The following ANTXR2 variants were observed in gnomAD, a reference collection of about 807,000 sequenced individuals.
ANTXR2 encodes ANTXR cell adhesion molecule 2.
Under a neutral mutation model 73.7 loss-of-function variants are expected in ANTXR2, and 44 were observed. The ratio of observed to expected loss-of-function variants is 0.60; its 90% CI spans 0.47 to 0.77. ANTXR2 has a LOEUF of 0.77. ANTXR2 is among the 30% of genes least tolerant of loss of function. The probability of loss-of-function intolerance (pLI) is 0.00; values close to 1 mark genes in which losing one functional copy is unlikely to be tolerated. For synonymous variants in ANTXR2, 217 were observed against 205.9 expected, an observed-to-expected ratio of 1.05 and a Z score of -0.46; for missense variants, 604 against 592.5, an observed-to-expected ratio of 1.02 and a Z score of -0.20.
intron 16 of ANTXR2, among the ~76,000 whole-genome samples, chr4:79,919,611 C>A (rs1284603110): frequency 6.6e-6 from 1 of 151,780 alleles, no homozygotes; most frequent in Non-Finnish European, 1.5e-5. Context: ...TACTTCCTGC[C>A]CTCGAACATC....
chr4:79,985,593 T>A (rs942505433), intron 12 of ANTXR2, among the ~76,000 whole-genome samples: 4 of 151,976 alleles, frequency 2.6e-5, no homozygotes, highest in Non-Finnish European at 5.9e-5. Context: ...ATTTCAGCCA[T>A]TCGAGAGGAG....
chr4:79,932,861 G>C (rs1191458819), intron 16 of ANTXR2, among the ~76,000 whole-genome samples: 2 of 150,572 alleles, frequency 1.3e-5, no homozygotes, highest in African/African-American at 4.9e-5. Flanking sequence ...ATTAGTGAAG[G>C]AGGCATTGCA....
Position 80,036,034 on chromosome 4 carries a change from TA to T in ANTXR2, c.637-3del. On this transcript the variant is annotated splice_region_variant and splice_polypyrimidine_tract_variant and intron_variant, in intron 7 of 16. Coordinates refer to ENST00000403729, the MANE Select transcript of ANTXR2 (RefSeq NM_058172.6). ...TTCAGTACATGACTGAGCTAGTATC[TA>T]AAAAAGAAAAAAAAAAAAGATTACC... is the stretch of plus-strand genomic sequence containing the variant. 6.7e-7 allele frequency: 1 copy of T among 1,483,568 alleles called. No homozygotes were observed. The highest frequency in any genetic ancestry group is 1.4e-5 in the South Asian group (1 of 72,792). The allele number at this position is 1,483,568 out of a possible 1,614,324, so 91.9% of individuals were successfully genotyped here.
At position 79,983,983 on chromosome 4, in the gene ANTXR2, G is replaced by T; in HGVS notation, c.1087-13C>A. 3 of 1,529,366 alleles carry T rather than the reference G, an allele frequency of 2.0e-6. No homozygotes were observed. The highest frequency in any genetic ancestry group is 2.7e-6 in the Non-Finnish European group (3 of 1,128,954). The allele number at this position is 1,529,366 out of a possible 1,614,324, so 94.7% of individuals were successfully genotyped here. On this transcript the variant is annotated splice_polypyrimidine_tract_variant and intron_variant, in intron 13 of 16. Transcript: ENST00000403729. ...GTTCTTCTTCCTCCTGTGGAAATAT[G>T]TTTTATAAATAGTTTTTAATTAATT...
intron 16 of ANTXR2, among the ~76,000 whole-genome samples, chr4:79,953,982 T>C (rs1446778238): frequency 1.3e-5 from 2 of 152,206 alleles, no homozygotes; most frequent in Non-Finnish European, 2.9e-5. Context: ...GCCTATAACA[T>C]ATTAATATAA....
chr4:80,068,618 A>G (rs1324776128), intron 3 of ANTXR2, among the ~76,000 whole-genome samples: 4 of 152,066 alleles, frequency 2.6e-5, no homozygotes, highest in Non-Finnish European at 5.9e-5. Flanking sequence ...AAAAAAATAC[A>G]AAAATTGGCC....
At chr4:79,966,127 G>GACACACAC (rs10549471) in intron 16 of ANTXR2, among the ~76,000 whole-genome samples, 13,100 of 149,410 alleles carry the variant, frequency 0.088, 638 homozygotes, top group African/African-American at 0.12. Context: ...CTAGGACTTA[G>GACACACAC]ACACACACAC....
intron 3 of ANTXR2, among the ~76,000 whole-genome samples, chr4:80,065,722 C>T (rs973770143): frequency 1.3e-5 from 2 of 152,160 alleles, no homozygotes; most frequent in African/African-American, 4.8e-5. Flanking sequence ...TATTTACTAC[C>T]TTCTAATCTT....
intron 16 of ANTXR2, among the ~76,000 whole-genome samples, chr4:79,960,604 G>T (rs1729105023): frequency 6.6e-6 from 1 of 151,882 alleles, no homozygotes; most frequent in Admixed American, 6.6e-5. Flanking sequence ...CAAATGTCCA[G>T]GGGTATTCTT....
chr4:80,067,612 G>A (rs546008965), intron 3 of ANTXR2, among the ~76,000 whole-genome samples: 22 of 152,290 alleles, frequency 1.4e-4, no homozygotes, highest in Non-Finnish European at 2.5e-4. Flanking sequence ...TCATAAAGGC[G>A]AGAACTGTTA....
intron 16 of ANTXR2, among the ~76,000 whole-genome samples, chr4:79,937,331 T>G (rs2109969440): frequency 6.6e-6 from 1 of 152,246 alleles, no homozygotes; most frequent in East Asian, 1.9e-4. Context: ...GAAAAAAAAT[T>G]TTTGGAAGAA....
At chr4:79,966,318 A>G (rs1245905894) in intron 16 of ANTXR2, among the ~76,000 whole-genome samples, 1 of 152,206 alleles carries the variant, frequency 6.6e-6, no homozygotes, top group Admixed American at 6.5e-5. Context: ...GAGATAAACC[A>G]CATCTACATA....
chr4:80,060,885 G>C (rs776600784), intron 3 of ANTXR2, among the ~76,000 whole-genome samples: 2 of 152,122 alleles, frequency 1.3e-5, no homozygotes, highest in Non-Finnish European at 2.9e-5. Context: ...TCATGGCACT[G>C]TGCATTGAAT....
rs142694925 is a variant in ANTXR2, at chr4:79,931,449, T to TTCTC, written c.1429-23986_1429-23983dup. Among the ~76,000 whole-genome samples, 1,070 of 134,142 alleles carry TTCTC rather than the reference T, an allele frequency of 8.0e-3. 5 individuals carry two copies. The highest frequency in any genetic ancestry group is 0.011 in the Non-Finnish European group (758 of 66,220). 88.0% of individuals were successfully genotyped at this position (134,142 alleles called of 152,430 possible). On this transcript the variant is annotated intron_variant, in intron 16 of 16. Transcript: ENST00000403729. Reference sequence around the variant, plus strand: ...AAATGTTCTAGGATTTCCTCGCTTCTTCTCTCTCTCTCTCTCTCTCTCTCT... The same window carrying TTCTC: ...AAATGTTCTAGGATTTCCTCGCTTCTTCTCTCTCTCTCTCTCTCTCTCTCTCTCT...
At position 79,903,013 on chromosome 4, in the gene ANTXR2, G is replaced by A. The variant is rs1726767108; in HGVS notation, c.*4416C>T. On this transcript the variant is annotated 3_prime_UTR_variant, in exon 17 of 17. Coordinates refer to ENST00000403729, the MANE Select transcript of ANTXR2 (RefSeq NM_058172.6). ...AAAATACAAGAGTTAGCTGGGTGTG[G>A]TGTTATGTGCCTGTAATCCCAGCTA... 1 of 152,082 alleles carries A rather than the reference G, an allele frequency of 6.6e-6. No homozygotes were observed. Among genetic ancestry groups the A allele is most frequent in the Admixed American group, 6.6e-5 (1 of 15,232 alleles). The allele number at this position is 152,082 out of a possible 1,614,324, so 9.4% of individuals were successfully genotyped here. A position where few individuals can be genotyped will look rare whatever the true frequency, so the allele number is the denominator to read the frequency against.
chr4:80,036,326 G>A (rs1164077715), intron 7 of ANTXR2, among the ~76,000 whole-genome samples: 1 of 152,090 alleles, frequency 6.6e-6, no homozygotes, highest in African/African-American at 2.4e-5. Flanking sequence ...GGTATGAATA[G>A]ATAACTAAAA....
At chr4:80,019,597 C>G (rs745355133) in intron 10 of ANTXR2, among the ~76,000 whole-genome samples, 1 of 152,148 alleles carries the variant, frequency 6.6e-6, no homozygotes, top group Admixed American at 6.5e-5. Context: ...CTTTAGATCC[C>G]ATTTAGCCTA....
intron 11 of ANTXR2, among the ~76,000 whole-genome samples, chr4:80,009,907 GA>G (rs999669812): frequency 1.3e-5 from 2 of 150,036 alleles, no homozygotes; most frequent in Middle Eastern, 3.4e-3. Context: ...GAACTCTAAA[GA>G]AAAAAAACAG....
chr4:79,990,234 T>A (rs1730398739), intron 12 of ANTXR2, among the ~76,000 whole-genome samples: 1 of 149,788 alleles, frequency 6.7e-6, no homozygotes, highest in African/African-American at 2.4e-5. Flanking sequence ...TAGAAAACCC[T>A]AAATATTCTT....
Sources: gnomAD v4.1 joint callset for allele counts (sites outside exome capture counted in the v4.1 genomes callset) on GRCh38, gnomAD v4.1.1 for gene constraint, MANE v1.5 for transcripts, NCBI Gene and HGNC (gene_info 2026-07-23, HGNC 2026-07-21) for gene names.